The following EPHA6 variants were observed in gnomAD, a reference collection of about 807,000 sequenced individuals.
EPHA6 encodes ephrin type-A receptor 6.
Under a neutral mutation model 112.0 loss-of-function variants are expected in EPHA6, and 50 were observed. That is an observed-to-expected ratio of 0.45 (90% CI 0.36 to 0.56). The LOEUF (loss-of-function observed/expected upper bound fraction) is 0.56, where lower values mean the gene tolerates loss of function less well. EPHA6 is among the 20% of genes least tolerant of loss of function. EPHA6 has a pLI of 0.00. For synonymous variants in EPHA6, 529 were observed against 490.7 expected (o/e 1.08, Z -1.03); for missense variants, 1,280 against 1,417.4 (o/e 0.90, Z 1.56).
chr3:97,327,422 C>T (rs1238685149), intron 5 of EPHA6, among the ~76,000 whole-genome samples: 1 of 151,938 alleles, frequency 6.6e-6, no homozygotes, highest in Non-Finnish European at 1.5e-5. Flanking sequence ...AGGACATTGA[C>T]ATTGATATAA....
At chr3:97,658,980 A>G (rs1423087796) in intron 14 of EPHA6, among the ~76,000 whole-genome samples, 4 of 151,994 alleles carry the variant, frequency 2.6e-5, no homozygotes, top group Non-Finnish European at 4.4e-5. Flanking sequence ...CCTGAGATAG[A>G]AAATGTACAT....
chr3:96,869,574 A>T (rs1364320273), intron 2 of EPHA6, among the ~76,000 whole-genome samples: 2 of 152,028 alleles, frequency 1.3e-5, no homozygotes, highest in East Asian at 3.9e-4. Context: ...AGTGAGAAAT[A>T]GGACCTGTAA....
At chr3:97,460,677 G>C (rs1167545656) in intron 7 of EPHA6, among the ~76,000 whole-genome samples, 4 of 152,168 alleles carry the variant, frequency 2.6e-5, no homozygotes, top group Non-Finnish European at 4.4e-5. Context: ...CCTGGGGACA[G>C]TCAGAATCCA....
chr3:97,077,224 G>A (rs894740184), intron 3 of EPHA6, among the ~76,000 whole-genome samples: 1 of 152,122 alleles, frequency 6.6e-6, no homozygotes, highest in Non-Finnish European at 1.5e-5. Context: ...TTTATGGGAG[G>A]TGAAAATATC....
chr3:97,016,053 A>AC (rs2044255493), intron 3 of EPHA6, among the ~76,000 whole-genome samples: 1 of 152,034 alleles, frequency 6.6e-6, no homozygotes, highest in African/African-American at 2.4e-5. Context: ...AAAAAAAAAA[A>AC]AATCAACAGC....
At chr3:97,480,725 C>T (rs534833785) in intron 9 of EPHA6, among the ~76,000 whole-genome samples, 1 of 152,296 alleles carries the variant, frequency 6.6e-6, no homozygotes, top group South Asian at 2.1e-4. Flanking sequence ...CATCATGGCC[C>T]GTTCTCAATG....
At chr3:97,226,121 C>A (rs1423944514) in intron 3 of EPHA6, 143 bp from the exon 4 acceptor site, 2 of 569,790 alleles carry the variant, frequency 3.5e-6, no homozygotes, top group Non-Finnish European at 5.6e-6. Context: ...ATTTGTTAAT[C>A]TTAATATAGA....
At position 97,755,226 on chromosome 3, in the gene EPHA6, CTTAAATG is replaced by C. The variant is rs1025878265; in HGVS notation, c.*6532_*6538del. On this transcript the variant is annotated 3_prime_UTR_variant, in exon 18 of 18. Transcript: ENST00000389672. ...TGACAGATGAGGAGGAAAAGTAGCTCTTAAATGTTAAATAAAGATGTGGCTTCTATAT... is the reference window on the plus strand; with the variant it reads ...TGACAGATGAGGAGGAAAAGTAGCTCTTAAATAAAGATGTGGCTTCTATAT... Among the ~76,000 whole-genome samples the C allele has an allele frequency of 2.0e-5, 3 of 152,086 alleles. No homozygotes were observed. Among genetic ancestry groups the C allele is most frequent in the Non-Finnish European group, 1.5e-5 (1 of 68,008 alleles).
At chr3:97,684,713 GTACC>G (rs1200019893) in intron 14 of EPHA6, among the ~76,000 whole-genome samples, 3 of 152,110 alleles carry the variant, frequency 2.0e-5, no homozygotes, top group African/African-American at 7.2e-5. Flanking sequence ...ATGCCATAGA[GTACC>G]TAGCCCTTAA....
At chr3:96,959,182 G>T (rs914259908) in intron 2 of EPHA6, among the ~76,000 whole-genome samples, 1 of 152,036 alleles carries the variant, frequency 6.6e-6, no homozygotes, top group Non-Finnish European at 1.5e-5. Flanking sequence ...TTATTGTCTG[G>T]TGTTTGTTTG....
rs541240935 is a variant in EPHA6 at position 97,283,920 on chromosome 3, A to G, written c.1606+39633A>G. ...GATACACAATAAAGCAATTTTATTT[A>G]TCTCTGAAGATTATAATCCCAACTA... On this transcript the variant is annotated intron_variant, in intron 5 of 17. Coordinates refer to ENST00000389672, the MANE Select transcript of EPHA6 (RefSeq NM_001080448.3). Among the ~76,000 whole-genome samples, 43 of 152,296 alleles carry G rather than the reference A, an allele frequency of 2.8e-4. No individual in the cohort carries two copies. In the South Asian group the frequency reaches 8.7e-3, roughly 31 times the overall value.
chr3:97,450,608 A>G (rs1230526288), intron 7 of EPHA6, among the ~76,000 whole-genome samples: 2 of 152,068 alleles, frequency 1.3e-5, no homozygotes, highest in African/African-American at 4.8e-5. Flanking sequence ...TTAACATTAG[A>G]TTTCAACTCA....
At chr3:97,018,761 C>G (rs1199533183) in intron 3 of EPHA6, among the ~76,000 whole-genome samples, 2 of 152,154 alleles carry the variant, frequency 1.3e-5, no homozygotes, top group East Asian at 1.9e-4. Context: ...TAATGTCAGG[C>G]CCTCCACAAG....
chr3:97,537,746 T>C (rs2092783865), intron 11 of EPHA6, among the ~76,000 whole-genome samples: 1 of 152,060 alleles, frequency 6.6e-6, no homozygotes, highest in Admixed American at 6.6e-5. Flanking sequence ...GTCCAGCTAA[T>C]TTTTGTATTT....
intron 5 of EPHA6, among the ~76,000 whole-genome samples, chr3:97,280,407 A>G (rs2080246823): frequency 6.6e-6 from 1 of 152,376 alleles, no homozygotes; most frequent in East Asian, 1.9e-4. Context: ...AAAGCCAAGA[A>G]CATTTTAAAG....
chr3:97,496,813 AC>A (rs201295798), intron 10 of EPHA6, among the ~76,000 whole-genome samples: 3,016 of 149,966 alleles, frequency 0.02, 113 homozygotes, highest in African/African-American at 0.072. Context: ...ATGCACACAC[AC>A]AAAAAAAAAA....
intron 1 of EPHA6, among the ~76,000 whole-genome samples, chr3:96,830,584 C>T (rs1215312562): frequency 1.3e-5 from 2 of 151,986 alleles, no homozygotes; most frequent in Non-Finnish European, 2.9e-5. Flanking sequence ...GATCCATGTA[C>T]TTTCTATTAA....
At chr3:97,076,390 G>C (rs573130113) in intron 3 of EPHA6, among the ~76,000 whole-genome samples, 1 of 152,140 alleles carries the variant, frequency 6.6e-6, no homozygotes, top group Non-Finnish European at 1.5e-5. Context: ...TTCAGAGAAA[G>C]ACACTAATTC....
In EPHA6 at chr3:97,160,778, C is replaced by A. The variant is rs989074522; in HGVS notation, c.1115-65486C>A. On this transcript the variant is annotated intron_variant, in intron 3 of 17. Coordinates refer to ENST00000389672, the MANE Select transcript of EPHA6 (RefSeq NM_001080448.3). ...CCAGCAAAGTGAATAATCAGGTTCA[C>A]TGCCCAGAGTTCTGCTCACTGAGAG... Among the ~76,000 whole-genome samples the A allele has an allele frequency of 3.9e-5, 6 of 152,190 alleles. 1 individual carries two copies. Among genetic ancestry groups the A allele is most frequent in the African/African-American group, 1.4e-4 (6 of 41,448 alleles).
Sources: gnomAD v4.1 joint callset for allele counts (sites outside exome capture counted in the v4.1 genomes callset) on GRCh38, gnomAD v4.1.1 for gene constraint, MANE v1.5 for transcripts, NCBI Gene and HGNC (gene_info 2026-07-23, HGNC 2026-07-21) for gene names.